COL19A1: variants seen among roughly 807,000 people sequenced by gnomAD.
COL19A1 encodes the protein collagen type XIX alpha 1 chain.
COL19A1 carries 159 observed loss-of-function variants against 190.2 expected under a neutral mutation model. The ratio of observed to expected loss-of-function variants is 0.84; its 90% confidence interval spans 0.73 to 0.95. The LOEUF (loss-of-function observed/expected upper bound fraction) is 0.95. Ranked by LOEUF, COL19A1 falls within the 40% of genes least tolerant of loss-of-function variation. The probability of loss-of-function intolerance (pLI) is 0.00; values close to 1 mark genes in which losing one functional copy is unlikely to be tolerated. For synonymous variants in COL19A1, 509 were observed against 458.9 expected (o/e 1.11, Z -1.39); for missense variants, 1,418 against 1,431.9 (o/e 0.99, Z 0.16).
chr6:69,921,434 A>AT (rs1333527522), intron 4 of COL19A1, among the ~76,000 whole-genome samples: 140 of 78,294 alleles, frequency 1.8e-3, no homozygotes, highest in African/African-American at 9.4e-3. Flanking sequence ...TATCATATAT[A>AT]TCATATATAT....
At chr6:69,872,782 T>C (rs1032293409) in intron 1 of COL19A1, among the ~76,000 whole-genome samples, 4 of 152,196 alleles carry the variant, frequency 2.6e-5, no homozygotes, top group African/African-American at 9.7e-5. Context: ...ATAGGCTCCA[T>C]CAATGTTGTC....
intron 14 of COL19A1, among the ~76,000 whole-genome samples, chr6:70,052,605 T>C (rs558877649): frequency 6.6e-6 from 1 of 152,350 alleles, no homozygotes; most frequent in Non-Finnish European, 1.5e-5. Context: ...TAGAATGCTG[T>C]CCTATTTCAC....
At chr6:69,916,213 G>A (rs905632005) in intron 4 of COL19A1, among the ~76,000 whole-genome samples, 2 of 152,166 alleles carry the variant, frequency 1.3e-5, no homozygotes, top group African/African-American at 4.8e-5. Flanking sequence ...AGGGATTACA[G>A]GCGGGAGCCA....
chr6:70,044,336 C>G (rs1220034672), intron 14 of COL19A1, among the ~76,000 whole-genome samples: 1 of 152,180 alleles, frequency 6.6e-6, no homozygotes. Flanking sequence ...TATAGTAGCA[C>G]ATTTAATTTC....
At chr6:69,944,244 T>C (rs1046575793) in intron 9 of COL19A1, among the ~76,000 whole-genome samples, 7 of 152,158 alleles carry the variant, frequency 4.6e-5, no homozygotes, top group Non-Finnish European at 7.4e-5. Context: ...TTACTTTGCT[T>C]AGCACTTTTA....
At chr6:70,174,685 T>C (rs1270837790) in intron 41 of COL19A1, among the ~76,000 whole-genome samples, 1 of 152,168 alleles carries the variant, frequency 6.6e-6, no homozygotes, top group Non-Finnish European at 1.5e-5. Context: ...CGGTGAGTAC[T>C]GGACGGAAGA....
chr6:70,192,772 A>G (rs1402713530), intron 48 of COL19A1, among the ~76,000 whole-genome samples: 1 of 152,220 alleles, frequency 6.6e-6, no homozygotes, highest in East Asian at 1.9e-4. Flanking sequence ...ATGGGGCCCT[A>G]TGTGACTGCA....
At chr6:70,091,221 T>G (rs577498798) in intron 15 of COL19A1, among the ~76,000 whole-genome samples, 2 of 152,320 alleles carry the variant, frequency 1.3e-5, no homozygotes, top group African/African-American at 4.8e-5. Flanking sequence ...CTCTGGTGTT[T>G]ACTGGCCCCA....
At chr6:69,945,548 T>G (rs950406643) in intron 9 of COL19A1, among the ~76,000 whole-genome samples, 4 of 151,930 alleles carry the variant, frequency 2.6e-5, no homozygotes, top group African/African-American at 7.2e-5. Flanking sequence ...TAGTAATAAC[T>G]TTACAGAAGT....
rs139952850 is a variant in COL19A1, at chr6:69,986,914, T to TTTGTG, written c.1026+24064_1026+24068dup. ...GGATACTTTTTGTATTTTGTTTCAT[T>TTTGTG]TTGTGTTGTGTTGTGTTGTGTTGTT... is the stretch of plus-strand genomic sequence containing the variant. On this transcript the variant is annotated intron_variant, in intron 11 of 50. Coordinates refer to ENST00000620364, the MANE Select transcript of COL19A1 (RefSeq NM_001858.6). Among the ~76,000 whole-genome samples, 125 of 152,258 alleles carry TTTGTG rather than the reference T, an allele frequency of 8.2e-4. 1 individual carries two copies. The highest frequency in any genetic ancestry group is 2.7e-3 in the African/African-American group (111 of 41,572).
chr6:70,073,693 A>G (rs529236653), intron 15 of COL19A1, among the ~76,000 whole-genome samples: 1 of 152,210 alleles, frequency 6.6e-6, no homozygotes, highest in East Asian at 1.9e-4. Context: ...ATCTAACTTG[A>G]TAATAAAATT....
At chr6:70,112,887 C>A (rs1784361452) in intron 16 of COL19A1, among the ~76,000 whole-genome samples, 1 of 152,176 alleles carries the variant, frequency 6.6e-6, no homozygotes, top group African/African-American at 2.4e-5. Flanking sequence ...GCTCAGTATG[C>A]AGGCCAGAAG....
rs183778667 is a variant in COL19A1, at chr6:69,987,511, A to C, written c.1026+24641A>C. Among the ~76,000 whole-genome samples the C allele has an allele frequency of 2.4e-4, 37 of 152,342 alleles. No individual in the cohort carries two copies. In the East Asian group the frequency reaches 6.9e-3, roughly 29 times the overall value. On this transcript the variant is annotated intron_variant, in intron 11 of 50. Transcript: ENST00000620364. The stretch of plus-strand genomic sequence containing the variant: ...AAACAAATCTCACACTAGAGACTTG[A>C]AAGTCCTTAAAACGATTGCTTGGTT...
intron 11 of COL19A1, among the ~76,000 whole-genome samples, chr6:70,007,767 AATACAC>A (rs1366328015): frequency 6.6e-6 from 1 of 151,990 alleles, no homozygotes; most frequent in Non-Finnish European, 1.5e-5. Context: ...ACAATAATAA[AATACAC>A]ATTTTTCCAA....
intron 42 of COL19A1, 101 bp from the exon 43 acceptor site, chr6:70,180,211 C>A: frequency 3.7e-6 from 5 of 1,349,676 alleles, no homozygotes; most frequent in South Asian, 3.7e-5. Context: ...GAGCATCACC[C>A]TTGGGAGCAC....
intron 25 of COL19A1, 82 bp from the exon 26 acceptor site, chr6:70,146,577 T>C: frequency 9.7e-7 from 1 of 1,029,828 alleles, no homozygotes; most frequent in East Asian, 2.7e-5. Flanking sequence ...TGAAGAGTGA[T>C]GAAACATATT....
intron 11 of COL19A1, among the ~76,000 whole-genome samples, chr6:69,970,236 A>AT (rs1293157747): frequency 1.3e-5 from 2 of 152,100 alleles, no homozygotes; most frequent in African/African-American, 2.4e-5. Context: ...ACTTTACTTC[A>AT]TTTTTTTCCT....
At chr6:69,927,334 T>A (rs1453466540) in intron 4 of COL19A1, among the ~76,000 whole-genome samples, 1 of 152,130 alleles carries the variant, frequency 6.6e-6, no homozygotes, top group Non-Finnish European at 1.5e-5. Context: ...ATATAAAATA[T>A]AAAGATGTGA....
At chr6:69,921,459 A>T (rs567494187) in intron 4 of COL19A1, among the ~76,000 whole-genome samples, 558 of 21,272 alleles carry the variant, frequency 0.026, 44 homozygotes, top group African/African-American at 0.073. Flanking sequence ...TATCATATAT[A>T]TCATATATAT....
Sources: gnomAD v4.1 joint callset for allele counts (sites outside exome capture counted in the v4.1 genomes callset) on GRCh38, gnomAD v4.1.1 for gene constraint, MANE v1.5 for transcripts, NCBI Gene and HGNC (gene_info 2026-07-23, HGNC 2026-07-21) for gene names.